SRGAP2B: variants seen among roughly 807,000 people sequenced by gnomAD.
SRGAP2B encodes the protein SLIT-ROBO Rho GTPase activating protein 2B.
Under a neutral mutation model 22.2 loss-of-function variants are expected in SRGAP2B, and 9 were observed. That is an observed-to-expected ratio of 0.41 (90% CI 0.24 to 0.71). The LOEUF is 0.71. Ranked by LOEUF, SRGAP2B falls within the 30% of genes least tolerant of loss-of-function variation. The pLI, the probability that SRGAP2B is intolerant of heterozygous loss-of-function variation, is 0.35. For missense variants in SRGAP2B, 114 were observed against 235.8 expected (o/e 0.48, Z 3.38); for synonymous variants, 36 against 87.4 (o/e 0.41, Z 3.28).
intron 2 of SRGAP2B, among the ~76,000 whole-genome samples, chr1:145,073,179 A>G (rs1652273717): frequency 6.6e-6 from 1 of 150,586 alleles, no homozygotes; most frequent in African/African-American, 2.5e-5. Context: ...AGAAGCTGCA[A>G]AAGGAGGTCA....
intron 3 of SRGAP2B, among the ~76,000 whole-genome samples, chr1:144,969,842 A>G (rs1668364886): frequency 1.3e-5 from 2 of 150,866 alleles, no homozygotes; most frequent in South Asian, 4.2e-4. Flanking sequence ...GAAGGACATG[A>G]ACAGACACTT....
intron 3 of SRGAP2B, among the ~76,000 whole-genome samples, chr1:144,992,052 A>T (rs1351255783): frequency 2.7e-5 from 4 of 149,824 alleles, no homozygotes; most frequent in Non-Finnish European, 5.9e-5. Flanking sequence ...AAAGATCTGC[A>T]GCTTCACTCC....
At chr1:144,920,272 T>C (rs1469159793) in intron 4 of SRGAP2B, among the ~76,000 whole-genome samples, 1 of 150,672 alleles carries the variant, frequency 6.6e-6, no homozygotes, top group Non-Finnish European at 1.5e-5. Flanking sequence ...TTCTTTTCTT[T>C]CTTTCTTTTT....
At position 144,924,731 on chromosome 1, in the gene SRGAP2B, CAAAAAAA is replaced by C. The variant is rs1156257790; in HGVS notation, c.424-9984_424-9978del. Among the ~76,000 whole-genome samples, 61 of 58,206 alleles carry C rather than the reference CAAAAAAA, an allele frequency of 1.0e-3. 2 individuals are homozygous for C. The highest frequency in any genetic ancestry group is 4.2e-3 in the African/African-American group (56 of 13,404). The allele number at this position is 58,206 out of a possible 152,430, so 38.2% of individuals were successfully genotyped here. A position where few individuals can be genotyped will look rare whatever the true frequency, so the allele number is the denominator to read the frequency against. Reference sequence around the variant, plus strand: ...TCGGTGACAGAGCGAAACTCCGTCTCAAAAAAAAAAAAAAAAAAAAGAATGTGTATCT... The same window carrying C: ...TCGGTGACAGAGCGAAACTCCGTCTCAAAAAAAAAAAAAGAATGTGTATCT... On this transcript the variant is annotated intron_variant, in intron 4 of 9. Transcript: ENST00000612199.
intron 4 of SRGAP2B, among the ~76,000 whole-genome samples, chr1:144,923,114 T>C: frequency 6.6e-6 from 1 of 150,542 alleles, no homozygotes; most frequent in Non-Finnish European, 1.5e-5. Context: ...ATAACGGCCC[T>C]CTGCTCTCCC....
At chr1:145,081,774 AC>A (rs1463552593) in intron 2 of SRGAP2B, among the ~76,000 whole-genome samples, 1 of 140,580 alleles carries the variant, frequency 7.1e-6, no homozygotes, top group Non-Finnish European at 1.5e-5. Context: ...CAGAAACAAG[AC>A]ATATTTCTTA....
At chr1:144,965,869 C>A (rs1158331101) in intron 3 of SRGAP2B, among the ~76,000 whole-genome samples, 1 of 144,276 alleles carries the variant, frequency 6.9e-6, no homozygotes, top group East Asian at 2.0e-4. Flanking sequence ...CCGATGCGAT[C>A]AACTGGAAGA....
At position 144,964,925 on chromosome 1, in the gene SRGAP2B, A is replaced by G. The variant is rs587692390; in HGVS notation, c.261-9324T>C. The G allele has an allele frequency of 6.2e-4, 468 of 756,300 alleles. 2 individuals carry two copies. The highest frequency in any genetic ancestry group is 3.4e-3 in the Middle Eastern group (9 of 2,646). 46.8% of individuals were successfully genotyped at this position (756,300 alleles called of 1,614,324 possible). A position where few individuals can be genotyped will look rare whatever the true frequency, so the allele number is the denominator to read the frequency against. On this transcript the variant is annotated intron_variant, in intron 3 of 9. Transcript: ENST00000612199. ...ACATAGGACCTGTCTCTTAAAAAAT[A>G]AATAAATAGAGACGGAGGTAGAGGG... is the stretch of plus-strand genomic sequence containing the variant.
intron 4 of SRGAP2B, among the ~76,000 whole-genome samples, chr1:144,945,521 T>A (rs1666430647): frequency 1.3e-5 from 2 of 151,800 alleles, no homozygotes; most frequent in African/African-American, 4.9e-5. Flanking sequence ...AGCACAGAAG[T>A]TTGAGTCTAC....
At chr1:144,952,647 G>C (rs1298373897) in intron 4 of SRGAP2B, among the ~76,000 whole-genome samples, 4 of 150,118 alleles carry the variant, frequency 2.7e-5, no homozygotes, top group Admixed American at 1.3e-4. Context: ...ACAGCTCACT[G>C]CATCCTCAAA....
chr1:145,081,198 C>G (rs587643389), intron 2 of SRGAP2B, among the ~76,000 whole-genome samples: 4 of 148,670 alleles, frequency 2.7e-5, no homozygotes, highest in Non-Finnish European at 3.0e-5. Context: ...CCTCACTGTG[C>G]GTCATCTGTA....
intron 4 of SRGAP2B, among the ~76,000 whole-genome samples, chr1:144,920,430 G>A (rs1664150470): frequency 1.3e-5 from 2 of 150,570 alleles, no homozygotes; most frequent in South Asian, 2.1e-4. Flanking sequence ...GTACAAACAC[G>A]CTGGTTAATT....
At chr1:144,914,225 G>A (rs1663648189) in intron 5 of SRGAP2B, among the ~76,000 whole-genome samples, 1 of 151,700 alleles carries the variant, frequency 6.6e-6, no homozygotes, top group Non-Finnish European at 1.5e-5. Context: ...GGGGCATTTA[G>A]GACTCTGTGC....
chr1:144,902,968 G>C (rs1172977808), intron 7 of SRGAP2B, among the ~76,000 whole-genome samples: 8 of 52,140 alleles, frequency 1.5e-4, no homozygotes, highest in African/African-American at 6.9e-4. Flanking sequence ...CTCGCTTCTT[G>C]GACTGATTTT....
intron 3 of SRGAP2B, among the ~76,000 whole-genome samples, chr1:144,975,894 T>G (rs1553614103): frequency 1.8e-5 from 2 of 110,036 alleles, no homozygotes; most frequent in East Asian, 2.6e-4. Flanking sequence ...TTTTTTTTGA[T>G]ATGGAGTCTC....
chr1:145,009,597 A>G (rs1671897598), intron 2 of SRGAP2B, among the ~76,000 whole-genome samples: 1 of 150,330 alleles, frequency 6.7e-6, no homozygotes, highest in African/African-American at 2.5e-5. Context: ...CAAAAAAAAA[A>G]AAAACAAAAT....
chr1:144,962,736 G>GCCATCC (rs1667769364), intron 3 of SRGAP2B, among the ~76,000 whole-genome samples: 1 of 126,148 alleles, frequency 7.9e-6, no homozygotes, highest in Non-Finnish European at 1.6e-5. Context: ...TTGAATCTCT[G>GCCATCC]CCATCCACAT....
intron 8 of SRGAP2B, among the ~76,000 whole-genome samples, chr1:144,893,990 T>A (rs1415555359): frequency 3.5e-5 from 5 of 144,406 alleles, no homozygotes; most frequent in Non-Finnish European, 5.9e-5. Context: ...ATGAGAGCTT[T>A]GATTCAATGA....
chr1:145,036,245 C>T (rs587699586), intron 2 of SRGAP2B, among the ~76,000 whole-genome samples: 1 of 132,126 alleles, frequency 7.6e-6, no homozygotes, highest in Admixed American at 7.6e-5. Context: ...GTGAGATAAC[C>T]TCCAGTCACA....
Sources: allele counts gnomAD v4.1 joint callset (sites outside exome capture counted in the v4.1 genomes callset), GRCh38; gene constraint gnomAD v4.1.1; transcripts MANE v1.5; gene names NCBI Gene and HGNC (gene_info 2026-07-23, HGNC 2026-07-21).